The following ADAP1 variants were observed in gnomAD, a reference collection of about 807,000 sequenced individuals.
ADAP1 encodes arf-GAP with dual PH domain-containing protein 1.
In ADAP1, 31 loss-of-function variants were observed where a neutral mutation model predicts 54.9. The observed-to-expected ratio is 0.56, with a 90% CI of 0.42 to 0.76. The LOEUF is 0.76. Ranked by LOEUF, ADAP1 falls within the 30% of genes least tolerant of loss-of-function variation. The pLI is 0.00. For synonymous variants in ADAP1, 313 were observed against 202.6 expected, an observed-to-expected ratio of 1.55 and a Z score of -4.63; for missense variants, 535 against 512.4, an observed-to-expected ratio of 1.04 and a Z score of -0.42.
At position 898,699 on chromosome 7, in the gene ADAP1, G is replaced by A. The variant is rs893031908; in HGVS notation, c.*222C>T. 3.2e-5 allele frequency: 20 copies of A among 615,800 alleles called. No individual in the cohort carries two copies. Among genetic ancestry groups the A allele is most frequent in the Non-Finnish European group, 5.4e-5 (19 of 353,222 alleles). The allele number at this position is 615,800 out of a possible 1,614,324, so 38.1% of individuals were successfully genotyped here. On this transcript the variant is annotated 3_prime_UTR_variant, in exon 11 of 11. Coordinates refer to ENST00000265846, the MANE Select transcript of ADAP1 (RefSeq NM_006869.4). ...GGTTGGCTGGGTGTGGTCAGCAGCA[G>A]CATGACGGGGTTAGAGATCAGGCCC... is the stretch of plus-strand genomic sequence containing the variant.
intron 4 of ADAP1, among the ~76,000 whole-genome samples, chr7:909,176 C>G (rs1409002554): frequency 7.8e-6 from 1 of 128,828 alleles, no homozygotes; most frequent in African/African-American, 2.9e-5. Flanking sequence ...ACAGCAGGCG[C>G]CAGCGGGAAC....
At chr7:903,992 T>A in intron 6 of ADAP1, 134 bp downstream of exon 6, 1 of 1,237,504 alleles carries the variant, frequency 8.1e-7, no homozygotes, top group South Asian at 1.5e-5. Context: ...CCAGCCCGAC[T>A]TCCCGCCTTC....
In ADAP1 at chr7:946,353, C is replaced by T. The variant is rs1847139012; in HGVS notation, c.82+8043G>A. Among the ~76,000 whole-genome samples, 1 of 152,158 alleles carries T rather than the reference C, an allele frequency of 6.6e-6. No individual in the cohort carries two copies. Among genetic ancestry groups the T allele is most frequent in the Non-Finnish European group, 1.5e-5 (1 of 68,016 alleles). On this transcript the variant is annotated intron_variant, in intron 1 of 10. Transcript: ENST00000265846. This position sits in a 1 kb window ranked among gnomAD's most constrained non-coding sequence, Gnocchi z 4.3. ...TCTGCCCAGGCCCCAGGCCCCCACC[C>T]CCTCACGCTCACGGGCGGCCCTGGT... is the stretch of plus-strand genomic sequence containing the variant.
chr7:954,603 C>T lies in ADAP1; in HGVS notation c.-126G>A, dbSNP rs1475592101. ...CGCCATCCCGGGCGGCCTCAGCCCG[C>T]GCGCCGGTTCCGCATTCCCGCCGCC... On this transcript the variant is annotated 5_prime_UTR_variant, in exon 1 of 11. Coordinates refer to ENST00000265846, the MANE Select transcript of ADAP1 (RefSeq NM_006869.4). 1.4e-5 allele frequency: 14 copies of T among 983,156 alleles called. No homozygotes were observed. Among genetic ancestry groups the T allele is most frequent in the Non-Finnish European group, 3.6e-6 (3 of 829,514 alleles). 60.9% of individuals were successfully genotyped at this position (983,156 alleles called of 1,614,324 possible).
intron 4 of ADAP1, among the ~76,000 whole-genome samples, chr7:915,251 T>C (rs114472769): frequency 1.1e-3 from 49 of 44,072 alleles, no homozygotes; most frequent in Middle Eastern, 0.02. Flanking sequence ...CGCCTGTGCA[T>C]CTCACCTGTG....
At chr7:902,796 C>G (rs1328778731) in intron 6 of ADAP1, among the ~76,000 whole-genome samples, 1 of 143,390 alleles carries the variant, frequency 7.0e-6, no homozygotes, top group African/African-American at 2.5e-5. Context: ...CCAACACACG[C>G]ACAGCATTGG....
At chr7:907,599 C>T (rs4722409) in intron 4 of ADAP1, among the ~76,000 whole-genome samples, 72,663 of 152,126 alleles carry the variant, frequency 0.48, 19,605 homozygotes, top group Non-Finnish European at 0.6. Context: ...CACTTCTGCT[C>T]CCTGTCCGTG....
chr7:949,601 G>A (rs1042443735), intron 1 of ADAP1, among the ~76,000 whole-genome samples: 4 of 152,220 alleles, frequency 2.6e-5, no homozygotes, highest in Non-Finnish European at 4.4e-5. Context: ...CCGGTGCAGC[G>A]GCCCAAGGAG....
chr7:944,245 T>C (rs1281821912), intron 1 of ADAP1, among the ~76,000 whole-genome samples: 1 of 150,706 alleles, frequency 6.6e-6, no homozygotes, highest in Non-Finnish European at 1.5e-5. Context: ...TTTTTCTTTA[T>C]ATTTTTAACC....
Position 905,389 on chromosome 7 carries a change from A to AG in ADAP1, c.389-218dup, listed in dbSNP as rs71020537. 1,646 of 272,898 alleles carry AG rather than the reference A, an allele frequency of 6.0e-3. 171 individuals carry two copies. The highest frequency in any genetic ancestry group is 8.0e-3 in the Non-Finnish European group (1,294 of 162,246). The allele number at this position is 272,898 out of a possible 1,614,324, so 16.9% of individuals were successfully genotyped here. On this transcript the variant is annotated intron_variant, in intron 4 of 10. Coordinates refer to ENST00000265846, the MANE Select transcript of ADAP1 (RefSeq NM_006869.4). The stretch of plus-strand genomic sequence containing the variant: ...GGGAAAGGGAAAGGAGAAAGGAGAA[A>AG]GGAGAAAGGAGAAAGGAGAAAGGGA...
chr7:936,471 C>T (rs975451722), intron 1 of ADAP1, among the ~76,000 whole-genome samples: 3 of 152,200 alleles, frequency 2.0e-5, no homozygotes, highest in Non-Finnish European at 4.4e-5. Flanking sequence ...GGATGACAGG[C>T]GTGAGCCACT....
Position 904,075 on chromosome 7 carries a change from G to C in ADAP1, c.648+51C>G, listed in dbSNP as rs116145502. 1.1e-5 allele frequency: 17 copies of C among 1,601,570 alleles called. No homozygotes were observed. In the South Asian group the frequency reaches 1.2e-4, roughly 12 times the overall value. On this transcript the variant is annotated intron_variant, in intron 6 of 10. Coordinates refer to ENST00000265846, the MANE Select transcript of ADAP1 (RefSeq NM_006869.4). ...CCACCTTCCTGCGCCACCCGGGCCT[G>C]AGGGCCCACCCTCCTGTGCCACCCG... is the stretch of plus-strand genomic sequence containing the variant.
chr7:924,758 C>T (rs13231160), intron 3 of ADAP1, among the ~76,000 whole-genome samples: 1 of 151,654 alleles, frequency 6.6e-6, no homozygotes, highest in East Asian at 2.0e-4. Context: ...CATGTCAGCC[C>T]CCGGTCCCGA....
intron 6 of ADAP1, among the ~76,000 whole-genome samples, chr7:902,478 A>ATGCCTGGGCGTGGTGGTGCCCGCCT (rs1844870967): frequency 2.5e-5 from 1 of 39,516 alleles, no homozygotes; most frequent in African/African-American, 1.2e-4. Flanking sequence ...AAAAGAAAGA[A>ATGCCTGGGCGTGGTGGTGCCCGCCT]AAGAAAGAAA....
At position 907,876 on chromosome 7, in the gene ADAP1, G is replaced by A. The variant is rs558256027; in HGVS notation, c.389-2704C>T. 7.9e-5 allele frequency among the ~76,000 whole-genome samples: 12 copies of A among 152,030 alleles called. No homozygotes were observed. The South Asian group carries it at 8.3e-4, about 11-fold the overall frequency. On this transcript the variant is annotated intron_variant, in intron 4 of 10. Coordinates refer to ENST00000265846, the MANE Select transcript of ADAP1 (RefSeq NM_006869.4). ...CTGCCAAGCATCCCCAGTGGGCGCC[G>A]CCTCTCCGGAGGTCGCGGGGCCGTC...
chr7:920,645 C>G lies in ADAP1; in HGVS notation c.306-595G>C. 1 of 731,860 alleles carries G rather than the reference C, an allele frequency of 1.4e-6. No homozygotes were observed. The highest frequency in any genetic ancestry group is 2.2e-6 in the Non-Finnish European group (1 of 458,930). 45.3% of individuals were successfully genotyped at this position (731,860 alleles called of 1,614,324 possible). The stretch of plus-strand genomic sequence containing the variant: ...TCAGGAGAAACTACCGGCAAATACC[C>G]AAGAATCCAGGAAGACCCGGGATGA... On this transcript the variant is annotated intron_variant, in intron 3 of 10. Coordinates refer to ENST00000265846, the MANE Select transcript of ADAP1 (RefSeq NM_006869.4). This position sits in a 1 kb window ranked among gnomAD's most constrained non-coding sequence, Gnocchi z 4.5.
At chr7:935,700 G>A (rs1241868546) in intron 1 of ADAP1, among the ~76,000 whole-genome samples, 195 bp from the exon 2 acceptor site, 6 of 151,000 alleles carry the variant, frequency 4.0e-5, no homozygotes, top group African/African-American at 9.7e-5. Flanking sequence ...CGGTGCAGAC[G>A]GGGCTCTCCC....
chr7:943,593 G>A lies in ADAP1; in HGVS notation c.83-8088C>T, dbSNP rs1281111520. ...AGGAAGGGAGAGAGGATGAGGAAGG[G>A]AGAGAGGAGGAGGAAGGGAGAGAGG... On this transcript the variant is annotated intron_variant, in intron 1 of 10. Coordinates refer to ENST00000265846, the MANE Select transcript of ADAP1 (RefSeq NM_006869.4). 2.5e-4 allele frequency among the ~76,000 whole-genome samples: 6 copies of A among 24,330 alleles called. 1 individual carries two copies. Among genetic ancestry groups the A allele is most frequent in the Non-Finnish European group, 3.5e-4 (5 of 14,440 alleles). The allele number at this position is 24,330 out of a possible 152,430, so 16.0% of individuals were successfully genotyped here.
chr7:925,422 G>A (rs1480713960), intron 3 of ADAP1, among the ~76,000 whole-genome samples: 9 of 148,114 alleles, frequency 6.1e-5, no homozygotes, highest in Non-Finnish European at 1.0e-4. Context: ...CGGGAAGTCC[G>A]TCCTTCCTCC....
Sources: gnomAD v4.1 joint callset for allele counts (sites outside exome capture counted in the v4.1 genomes callset) on GRCh38, gnomAD v4.1.1 for gene constraint, Gnocchi (gnomAD v3.1) non-coding constraint, MANE v1.5 for transcripts, NCBI Gene and HGNC (gene_info 2026-07-23, HGNC 2026-07-21) for gene names.